RGS10: variants seen among roughly 807,000 people sequenced by gnomAD.
RGS10 encodes the protein regulator of G protein signaling 10.
In RGS10, 11 loss-of-function variants were observed where a neutral mutation model predicts 23.5. That is an observed-to-expected ratio of 0.47 (90% CI 0.29 to 0.77). The LOEUF (loss-of-function observed/expected upper bound fraction) is 0.77. Among genes scored for constraint, RGS10 ranks in the 30% least tolerant of loss-of-function variants. The pLI is 0.08. For synonymous variants in RGS10, 77 were observed against 83.2 expected (o/e 0.92, Z 0.41); for missense variants, 180 against 226.3 (o/e 0.80, Z 1.31).
chr10:119,508,859 A>C (rs1243535921), intron 4 of RGS10, among the ~76,000 whole-genome samples: 1 of 152,176 alleles, frequency 6.6e-6, no homozygotes, highest in East Asian at 1.9e-4. Flanking sequence ...CACTTTAGGA[A>C]GCCAAGGCTG....
intron 4 of RGS10, among the ~76,000 whole-genome samples, chr10:119,514,455 C>T (rs1260916879): frequency 2.6e-5 from 4 of 151,940 alleles, no homozygotes; most frequent in South Asian, 2.1e-4. Flanking sequence ...GTCAGGAGTT[C>T]GAGACTAGCC....
chr10:119,536,398 GC>G, intron 1 of RGS10: 5 of 1,472,122 alleles, frequency 3.4e-6, no homozygotes, highest in Non-Finnish European at 4.7e-6. Context: ...CCCAGCCCCT[GC>G]CCCGCCCAGG....
intron 4 of RGS10, among the ~76,000 whole-genome samples, chr10:119,509,865 G>A (rs921375508): frequency 6.6e-6 from 1 of 151,892 alleles, no homozygotes; most frequent in Admixed American, 6.6e-5. Flanking sequence ...TCTGCCTCTG[G>A]TGCTCAGGGC....
intron 1 of RGS10, chr10:119,536,637 C>A: frequency 5.6e-6 from 4 of 714,586 alleles, no homozygotes; most frequent in Non-Finnish European, 9.0e-6. Context: ...AACAGATGGC[C>A]ACTGGTTTCC....
chr10:119,528,242 G>T (rs1377037846), intron 1 of RGS10, among the ~76,000 whole-genome samples: 3 of 152,060 alleles, frequency 2.0e-5, no homozygotes, highest in Non-Finnish European at 4.4e-5. Context: ...TGTTGGCCAG[G>T]CTGGTCTCGA....
chr10:119,539,876 C>A (rs548350803), intron 1 of RGS10, among the ~76,000 whole-genome samples: 1 of 152,004 alleles, frequency 6.6e-6, no homozygotes, highest in South Asian at 2.1e-4. Context: ...AATCAGGGGT[C>A]CTGCAGGAGC....
At position 119,515,632 on chromosome 10, in the gene RGS10, C is replaced by T. The variant is rs572952697; in HGVS notation, c.276G>A (p.Glu92=). Residue 92 remains glutamate, a synonymous_variant, in exon 4 of 5, where the codon GAG becomes GAA. Transcript: ENST00000369103. ...DKTQMQEKAK[E]IYMTFLSSKA... is the part of the protein sequence containing the mutation. The stretch of plus-strand genomic sequence containing the variant: ...TGCTGGACAGAAAGGTCATGTAGAT[C>T]TCCTTTGCCTTTTCCTGCATCTGGA... 2 of 1,614,116 alleles carry T rather than the reference C, an allele frequency of 1.2e-6. No homozygotes were observed. Among genetic ancestry groups the T allele is most frequent in the South Asian group, 2.2e-5 (2 of 91,076 alleles).
chr10:119,529,093 C>A (rs1015153825), intron 1 of RGS10, among the ~76,000 whole-genome samples: 2 of 152,150 alleles, frequency 1.3e-5, no homozygotes, highest in Non-Finnish European at 2.9e-5. Flanking sequence ...CATTCTATGG[C>A]ATGTGATCCC....
At position 119,516,870 on chromosome 10, in the gene RGS10, C is replaced by T. The variant is rs573545898; in HGVS notation, c.256-1218G>A. Among the ~76,000 whole-genome samples, 9 of 152,342 alleles carry T rather than the reference C, an allele frequency of 5.9e-5. No individual in the cohort carries two copies. The East Asian group carries it at 1.7e-3, about 29-fold the overall frequency. On this transcript the variant is annotated intron_variant, in intron 3 of 4. Transcript: ENST00000369103. ...TCGATTTTCTTTTAGAGAAAGGAGACTTCCTGTGCTCATACCTCGCCAACA... is the reference window on the plus strand; with the variant it reads ...TCGATTTTCTTTTAGAGAAAGGAGATTTCCTGTGCTCATACCTCGCCAACA...
intron 3 of RGS10, among the ~76,000 whole-genome samples, chr10:119,521,219 C>T (rs1045971994): frequency 3.3e-5 from 5 of 151,860 alleles, no homozygotes; most frequent in African/African-American, 1.2e-4. Context: ...TGCAAAGAGC[C>T]GTGACCTCAC....
In RGS10 at chr10:119,517,556, GT is replaced by G. The variant is rs897959774; in HGVS notation, c.256-1905del. Among the ~76,000 whole-genome samples, 2 of 152,172 alleles carry G rather than the reference GT, an allele frequency of 1.3e-5. No individual in the cohort carries two copies. Among genetic ancestry groups the G allele is most frequent in the Non-Finnish European group, 2.9e-5 (2 of 68,034 alleles). On this transcript the variant is annotated intron_variant, in intron 3 of 4. Transcript: ENST00000369103. This position sits in a 1 kb window ranked among gnomAD's most constrained non-coding sequence, Gnocchi z 5.0. Reference sequence around the variant, plus strand: ...CAACCCTTTTGGAAAACCACTTCCTGTTTTAAAGCCACTTCATGAAAGGAGA... The same window carrying G: ...CAACCCTTTTGGAAAACCACTTCCTGTTTAAAGCCACTTCATGAAAGGAGA...
chr10:119,526,068 T>A lies in RGS10; in HGVS notation c.219A>T (p.Ala73=). Residue 73 remains alanine (A), a synonymous_variant, in exon 3 of 5, where the codon GCA becomes GCT. Coordinates refer to ENST00000369103, the MANE Select transcript of RGS10 (RefSeq NM_001005339.2). ...CTTGCATTTTCTTAAAATCTTCACA[T>A]GCTAGCCAAAACAAAACATTTTCTT... The part of the protein sequence containing the change: ...FSEENVLFWL[A]CEDFKKMQDK... 1.3e-6 allele frequency: 2 copies of A among 1,582,192 alleles called. No homozygotes were observed. Among genetic ancestry groups the A allele is most frequent in the Non-Finnish European group, 1.7e-6 (2 of 1,164,612 alleles).
chr10:119,536,450 G>A (rs1397835982), intron 1 of RGS10: 1 of 1,612,418 alleles, frequency 6.2e-7, no homozygotes, highest in Non-Finnish European at 8.5e-7. Flanking sequence ...AAAGGGGTGG[G>A]GGCGATTCCT....
At chr10:119,534,839 G>A (rs555749778) in intron 1 of RGS10, among the ~76,000 whole-genome samples, 4 of 151,962 alleles carry the variant, frequency 2.6e-5, no homozygotes, top group South Asian at 2.1e-4. Flanking sequence ...GCAGTGAGCC[G>A]AGATCAAGCC....
At chr10:119,512,147 A>C (rs1474372203) in intron 4 of RGS10, among the ~76,000 whole-genome samples, 1 of 151,296 alleles carries the variant, frequency 6.6e-6, no homozygotes, top group South Asian at 2.1e-4. Flanking sequence ...TGAGGGGCTA[A>C]GTTCGGGGGC....
chr10:119,515,064 T>C (rs1844126153), intron 4 of RGS10, among the ~76,000 whole-genome samples: 1 of 152,184 alleles, frequency 6.6e-6, no homozygotes, highest in Non-Finnish European at 1.5e-5. Context: ...GAACTATTAA[T>C]AGCTTACAGC....
At chr10:119,540,896 C>T (rs933165240) in intron 1 of RGS10, among the ~76,000 whole-genome samples, 4 of 152,176 alleles carry the variant, frequency 2.6e-5, no homozygotes, top group Non-Finnish European at 4.4e-5. Flanking sequence ...AATCCCATAA[C>T]CCTATGAAAC....
intron 1 of RGS10, among the ~76,000 whole-genome samples, chr10:119,541,459 G>C (rs542093794): frequency 4.2e-4 from 64 of 152,270 alleles, no homozygotes; most frequent in African/African-American, 1.4e-3. Flanking sequence ...TTTAAAAGGC[G>C]AGTAGCTACT....
rs2133962153 is a variant in RGS10, at chr10:119,538,132, A to AGGAG, written c.49+4454_49+4457dup. On this transcript the variant is annotated intron_variant, in intron 1 of 4. Coordinates refer to ENST00000369103, the MANE Select transcript of RGS10 (RefSeq NM_001005339.2). The surrounding 1 kb of genome is among the most constrained non-coding windows in gnomAD (Gnocchi z 4.5). ...CTACAGAAAAGAAGGAAGGGAGGGA[A>AGGAG]GGAGGGAGGGAAGAAGGAAGGGAGG... is the stretch of plus-strand genomic sequence containing the variant. 6.7e-6 allele frequency among the ~76,000 whole-genome samples: 1 copy of AGGAG among 148,748 alleles called. No homozygotes were observed. The highest frequency in any genetic ancestry group is 2.4e-5 in the African/African-American group (1 of 40,902).
Sources: allele counts gnomAD v4.1 joint callset (sites outside exome capture counted in the v4.1 genomes callset), GRCh38; gene constraint gnomAD v4.1.1; non-coding constraint Gnocchi (gnomAD v3.1); transcripts MANE v1.5; gene names NCBI Gene and HGNC (gene_info 2026-07-23, HGNC 2026-07-21).